NUGGC: variants seen among roughly 807,000 people sequenced by gnomAD.
The protein encoded by NUGGC is nuclear GTPase, germinal center associated.
Under a neutral mutation model 92.6 loss-of-function variants are expected in NUGGC, and 58 were observed. That is an observed-to-expected ratio of 0.63 (90% confidence interval 0.51 to 0.78). The LOEUF (loss-of-function observed/expected upper bound fraction) is 0.78. Among genes scored for constraint, NUGGC ranks in the 30% least tolerant of loss-of-function variants. The probability of loss-of-function intolerance (pLI) is 0.00; values close to 1 mark genes in which losing one functional copy is unlikely to be tolerated. For missense variants in NUGGC, 925 were observed against 964.6 expected, an observed-to-expected ratio of 0.96 and a Z score of 0.54; for synonymous variants, 376 against 366.4, an observed-to-expected ratio of 1.03 and a Z score of -0.30.
Position 28,029,416 on chromosome 8 carries a change from T to C in NUGGC, c.2018-14A>G, listed in dbSNP as rs763321476. 5 of 1,611,270 alleles carry C rather than the reference T, an allele frequency of 3.1e-6. No individual in the cohort carries two copies. The highest frequency in any genetic ancestry group is 1.1e-5 in the South Asian group (1 of 90,350). ...TCTGAGCTGCCTCTGGCAAAAATGATAGCCACAGTCACACCAAGACAAGGA... is the reference window on the plus strand; with the variant it reads ...TCTGAGCTGCCTCTGGCAAAAATGACAGCCACAGTCACACCAAGACAAGGA... On this transcript the variant is annotated splice_polypyrimidine_tract_variant and intron_variant, in intron 16 of 18. Coordinates refer to ENST00000413272, the MANE Select transcript of NUGGC (RefSeq NM_001010906.2).
chr8:28,074,491 C>A (rs1454155661), intron 1 of NUGGC, 35 bp from the exon 2 acceptor site: 4 of 1,473,130 alleles, frequency 2.7e-6, no homozygotes, highest in Non-Finnish European at 3.8e-6. Context: ...GGTGGGGCAG[C>A]GGAATTTGAA....
chr8:28,051,170 C>T (rs984969457), intron 10 of NUGGC, among the ~76,000 whole-genome samples: 5 of 152,206 alleles, frequency 3.3e-5, no homozygotes, highest in Admixed American at 2.0e-4. Flanking sequence ...ACCCCAGATT[C>T]CTGGGGAGTA....
At chr8:28,070,153 T>C in intron 3 of NUGGC, 99 bp downstream of exon 3, 7 of 1,470,300 alleles carry the variant, frequency 4.8e-6, no homozygotes, top group Non-Finnish European at 6.3e-6. Flanking sequence ...ATTTGATGTT[T>C]CATCCAGCTT....
At position 28,029,422 on chromosome 8, in the gene NUGGC, C is replaced by T. The variant is rs1222315332; in HGVS notation, c.2018-20G>A. On this transcript the variant is annotated intron_variant, in intron 16 of 18. Coordinates refer to ENST00000413272, the MANE Select transcript of NUGGC (RefSeq NM_001010906.2). ...CTGCCTCTGGCAAAAATGATAGCCA[C>T]AGTCACACCAAGACAAGGACCTGCT... is the stretch of plus-strand genomic sequence containing the variant. The T allele has an allele frequency of 3.7e-6, 6 of 1,610,578 alleles. No homozygotes were observed. Among genetic ancestry groups the T allele is most frequent in the Non-Finnish European group, 5.1e-6 (6 of 1,178,378 alleles).
intron 18 of NUGGC, among the ~76,000 whole-genome samples, chr8:28,026,046 CACTT>C (rs999242483): frequency 6.6e-6 from 1 of 152,194 alleles, no homozygotes; most frequent in Non-Finnish European, 1.5e-5. Flanking sequence ...TACATTTACT[CACTT>C]TGCTGTTTTC....
chr8:28,030,442 C>A, intron 15 of NUGGC, 24 bp from the exon 16 acceptor site: 6 of 1,298,542 alleles, frequency 4.6e-6, no homozygotes, highest in Non-Finnish European at 6.6e-6. Context: ...GCAAAAGAGG[C>A]CGTTGGTGAC....
intron 14 of NUGGC, among the ~76,000 whole-genome samples, chr8:28,032,263 TG>T (rs1809437864): frequency 6.7e-6 from 1 of 149,574 alleles, no homozygotes; most frequent in Admixed American, 6.7e-5. Context: ...TAAAGAAAGG[TG>T]GGGCAGGGAT....
chr8:28,037,468 C>A (rs17058487), intron 13 of NUGGC, among the ~76,000 whole-genome samples: 5,698 of 152,244 alleles, frequency 0.037, 362 homozygotes, highest in African/African-American at 0.13. Flanking sequence ...CAGGCTCCAA[C>A]AACCTCCTCT....
chr8:28,079,270 G>A (rs994991681), intron 1 of NUGGC, among the ~76,000 whole-genome samples: 2 of 152,124 alleles, frequency 1.3e-5, no homozygotes, highest in African/African-American at 2.4e-5. Flanking sequence ...GGCCGGGTGC[G>A]GTGGCTCTCG....
At chr8:28,060,231 T>C in intron 8 of NUGGC, 195 bp downstream of exon 8, 1 of 694,252 alleles carries the variant, frequency 1.4e-6, no homozygotes, top group Non-Finnish European at 2.6e-6. Flanking sequence ...CCCTGGAAGG[T>C]TCAGATTCCT....
chr8:28,055,242 G>A (rs1010093138), intron 10 of NUGGC, among the ~76,000 whole-genome samples: 40 of 152,120 alleles, frequency 2.6e-4, no homozygotes, highest in Non-Finnish European at 8.8e-5. Context: ...GACAAAGTGA[G>A]ACTAAGTCTC....
intron 9 of NUGGC, among the ~76,000 whole-genome samples, chr8:28,057,841 T>C (rs1407998137): frequency 1.3e-5 from 2 of 152,150 alleles, no homozygotes; most frequent in Non-Finnish European, 2.9e-5. Context: ...GGCACACTAA[T>C]CTCTACATTG....
rs1166250226 is a variant in NUGGC, at chr8:28,028,040, A to G, written c.2155-988T>C. Among the ~76,000 whole-genome samples, 3 of 151,086 alleles carry G rather than the reference A, an allele frequency of 2.0e-5. 1 individual carries two copies. The highest frequency in any genetic ancestry group is 2.0e-4 in the Admixed American group (3 of 15,272). ...TAGAACTAAAATATTTTAAAAAACT[A>G]AAAGTTAACTGGCGTTCTTTAAAAA... On this transcript the variant is annotated intron_variant, in intron 17 of 18. Coordinates refer to ENST00000413272, the MANE Select transcript of NUGGC (RefSeq NM_001010906.2).
chr8:28,070,198 AC>A, intron 3 of NUGGC, 53 bp downstream of exon 3: 1 of 1,497,374 alleles, frequency 6.7e-7, no homozygotes, highest in Non-Finnish European at 9.0e-7. Context: ...GACCATTTTA[AC>A]ATACTTGGAA....
chr8:28,065,635 A>G (rs1246003460), intron 6 of NUGGC, among the ~76,000 whole-genome samples: 1 of 152,182 alleles, frequency 6.6e-6, no homozygotes, highest in African/African-American at 2.4e-5. Context: ...GCCAGCAACT[A>G]TGACAGTAAA....
chr8:28,027,605 G>GA (rs1161046655), intron 17 of NUGGC, among the ~76,000 whole-genome samples: 1 of 151,960 alleles, frequency 6.6e-6, no homozygotes, highest in Non-Finnish European at 1.5e-5. Flanking sequence ...GCCTCCCTTT[G>GA]AAAAAAATGT....
intron 15 of NUGGC, among the ~76,000 whole-genome samples, chr8:28,030,956 G>C (rs2130080445): frequency 6.6e-6 from 1 of 152,310 alleles, no homozygotes; most frequent in African/African-American, 2.4e-5. Flanking sequence ...TACAATTAAG[G>C]CTTCTTTAAA....
chr8:28,072,046 C>A (rs184356387), intron 2 of NUGGC, among the ~76,000 whole-genome samples: 1 of 152,184 alleles, frequency 6.6e-6, no homozygotes, highest in Non-Finnish European at 1.5e-5. Flanking sequence ...CTCTGTTCAA[C>A]CTTGCATCTT....
rs147087832 is a variant in NUGGC, at chr8:28,044,072, G to A, written c.1446+1455C>T. ...TTACAAGCATTTATACACAACCAAA[G>A]GCTCCAGGTGGCACTGCTTACTCCC... On this transcript the variant is annotated intron_variant, in intron 12 of 18. Transcript: ENST00000413272. Among the ~76,000 whole-genome samples the A allele has an allele frequency of 4.6e-3, 699 of 152,186 alleles. 8 individuals are homozygous for A. The highest frequency in any genetic ancestry group is 0.016 in the African/African-American group (683 of 41,528).
Sources: gnomAD v4.1 joint callset for allele counts (sites outside exome capture counted in the v4.1 genomes callset) on GRCh38, gnomAD v4.1.1 for gene constraint, MANE v1.5 for transcripts, NCBI Gene and HGNC (gene_info 2026-07-23, HGNC 2026-07-21) for gene names.